The following UCP2 variants were observed in gnomAD, a reference collection of about 807,000 sequenced individuals.
UCP2 encodes dicarboxylate carrier SLC25A8.
Under a neutral mutation model 31.3 loss-of-function variants are expected in UCP2, and 27 were observed. The observed-to-expected ratio is 0.86, with a 90% CI of 0.64 to 1.19. UCP2 has a LOEUF of 1.19. UCP2 is among the 50% of genes most tolerant of loss of function. The pLI, the probability that UCP2 is intolerant of heterozygous loss-of-function variation, is 0.00. For synonymous variants in UCP2, 142 were observed against 157.4 expected (o/e 0.90, Z 0.73); for missense variants, 377 against 413.5 (o/e 0.91, Z 0.76).
Position 73,977,018 on chromosome 11 carries a change from C to G in UCP2, c.338-1G>C. ...AGGAGGCGGCTCCCAATGCTGGCAT[C>G]TGTGGGCGAGCCATGGGGTCAGTGG... On this transcript the variant is annotated splice_acceptor_variant, in intron 4 of 7. Coordinates refer to ENST00000663595, the MANE Select transcript of UCP2 (RefSeq NM_003355.3). LOFTEE classifies it high-confidence loss of function. 6.3e-7 allele frequency: 1 copy of G among 1,597,688 alleles called. No homozygotes were observed. The highest frequency in any genetic ancestry group is 8.6e-7 in the Non-Finnish European group (1 of 1,169,446).
chr11:73,975,244 A>C (rs1005753235), intron 7 of UCP2, 123 bp from the exon 8 acceptor site: 11 of 993,460 alleles, frequency 1.1e-5, no homozygotes, highest in Non-Finnish European at 1.7e-5. Context: ...CAATGAACTG[A>C]GCTCACAGCT....
Position 73,976,736 on chromosome 11 carries a change from G to A in UCP2, c.539C>T (p.Ser180Phe). The change falls in exon 6 of 8, where the codon TCT becomes TTT. Residue 180 changes from serine to phenylalanine, a missense_variant. By Grantham distance (155) the Ser-to-Phe change is radical. Coordinates refer to ENST00000663595, the MANE Select transcript of UCP2 (RefSeq NM_003355.3). The part of the protein sequence containing the change: ...EGFRGLWKGT[S>F]PNVARNAIVN... ...AATGGCATTACGAGCAACATTGGGA[G>A]AGGTCCCTGTAGGAGGAGGAAGATC... The A allele has an allele frequency of 6.2e-7, 1 of 1,614,214 alleles. No homozygotes were observed. The highest frequency in any genetic ancestry group is 1.1e-5 in the South Asian group (1 of 91,084).
At chr11:73,976,507 AAG>A in intron 6 of UCP2, 132 bp downstream of exon 6, 1 of 749,662 alleles carries the variant, frequency 1.3e-6, no homozygotes, top group Non-Finnish European at 2.3e-6. Flanking sequence ...TATGGCAAGT[AAG>A]AGATATCTTA....
At chr11:73,977,562 C>T (rs1214971199) in intron 4 of UCP2, among the ~76,000 whole-genome samples, 1 of 152,172 alleles carries the variant, frequency 6.6e-6, no homozygotes, top group Non-Finnish European at 1.5e-5. Context: ...TGTGTGTTTT[C>T]TGGCTCTCTA....
chr11:73,976,511 G>C, intron 6 of UCP2, 130 bp downstream of exon 6: 1 of 764,276 alleles, frequency 1.3e-6, no homozygotes, highest in Non-Finnish European at 2.2e-6. Context: ...GCAAGTAAGA[G>C]ATATCTTACT....
chr11:73,976,816 T>C lies in UCP2; in HGVS notation c.532+7A>G, dbSNP rs1951354072. 3 of 1,614,200 alleles carry C rather than the reference T, an allele frequency of 1.9e-6. No homozygotes were observed. In the South Asian group the frequency reaches 3.3e-5, roughly 18 times the overall value. On this transcript the variant is annotated splice_region_variant and intron_variant, in intron 5 of 7. Coordinates refer to ENST00000663595, the MANE Select transcript of UCP2 (RefSeq NM_003355.3). ...GAAAAGGGGAAGGGAAAACAACTGG[T>C]ACACACCTTTCCAGAGGCCCCGGAA... is the stretch of plus-strand genomic sequence containing the variant.
chr11:73,974,689 T>C lies in UCP2; in HGVS notation c.*318A>G, dbSNP rs1220777132. ...GGAGACGCCAAGGTTGAGCTTGCTT[T>C]ATGGATGACAAGTGGGCTAGGCTGG... On this transcript the variant is annotated 3_prime_UTR_variant, in exon 8 of 8. Coordinates refer to ENST00000663595, the MANE Select transcript of UCP2 (RefSeq NM_003355.3). The C allele has an allele frequency of 5.1e-6, 2 of 393,238 alleles. No individual in the cohort carries two copies. The highest frequency in any genetic ancestry group is 4.1e-5 in the African/African-American group (2 of 48,530). 24.4% of individuals were successfully genotyped at this position (393,238 alleles called of 1,614,324 possible). A position where few individuals can be genotyped will look rare whatever the true frequency, so the allele number is the denominator to read the frequency against.
At position 73,976,784 on chromosome 11, in the gene UCP2, G is replaced by A. The variant is rs1378198945; in HGVS notation, c.532+39C>T. 5 of 1,614,114 alleles carry A rather than the reference G, an allele frequency of 3.1e-6. No individual in the cohort carries two copies. The African/African-American group carries it at 4.0e-5, about 13-fold the overall frequency. On this transcript the variant is annotated intron_variant, in intron 5 of 7. Transcript: ENST00000663595. ...ATCCTGGGTGAGACCAGAGTATCGG[G>A]GAGGAGGAAAAGGGGAAGGGAAAAC...
At chr11:73,982,995 T>G (rs1296555782), upstream of UCP2, 2 of 152,306 alleles carry the variant, frequency 1.3e-5, no homozygotes, top group African/African-American at 2.4e-5. Context: ...CCTAGGGTTC[T>G]CTCCATGACT....
At chr11:73,976,515 T>A (rs1194953692) in intron 6 of UCP2, 126 bp downstream of exon 6, 3 of 790,364 alleles carry the variant, frequency 3.8e-6, no homozygotes, top group Admixed American at 4.1e-5. Flanking sequence ...GTAAGAGATA[T>A]CTTACTCTCC....
rs1951454918 is a variant in UCP2 at position 73,981,520 on chromosome 11, C to T, written c.-144G>A. 1 of 152,276 alleles carries T rather than the reference C, an allele frequency of 6.6e-6. No homozygotes were observed. Among genetic ancestry groups the T allele is most frequent in the Non-Finnish European group, 1.5e-5 (1 of 68,070 alleles). The allele number at this position is 152,276 out of a possible 1,614,324, so 9.4% of individuals were successfully genotyped here. On this transcript the variant is annotated 5_prime_UTR_variant, in exon 2 of 8. Coordinates refer to ENST00000663595, the MANE Select transcript of UCP2 (RefSeq NM_003355.3). ...CGGTGAGGCCTCCAAGATCAAGCTT[C>T]TCTAAAGGTGTCCCGTTCTTCAAAG...
Position 73,975,577 on chromosome 11 carries a change from C to A in UCP2, c.729G>T (p.Met243Ile), listed in dbSNP as rs139945658. The change falls in exon 7 of 8, where the codon ATG becomes ATT. Residue 243 changes from methionine to isoleucine, a missense_variant. Physicochemically the swap from Met to Ile is conservative, Grantham distance 10. Transcript: ENST00000663595. ...TACTGTACTGGCCCAGGGCAGAGTT[C>A]ATGTATCTCGTCTTGACCACGTCTA... ...SPVDVVKTRY[M>I]NSALGQYSSA... 6.2e-7 allele frequency: 1 copy of A among 1,614,054 alleles called. No homozygotes were observed. Among genetic ancestry groups the A allele is most frequent in the African/African-American group, 1.3e-5 (1 of 74,928 alleles).
In UCP2 at chr11:73,978,392, T is replaced by G; in HGVS notation, c.-14A>C. The G allele has an allele frequency of 6.2e-7, 1 of 1,614,164 alleles. No homozygotes were observed. The highest frequency in any genetic ancestry group is 8.5e-7 in the Non-Finnish European group (1 of 1,180,028). ...GAACCCAACCATGATGCTGATTTCCTGCTACGTCCCAGGAGATGGAGAAAA... is the reference window on the plus strand; with the variant it reads ...GAACCCAACCATGATGCTGATTTCCGGCTACGTCCCAGGAGATGGAGAAAA... On this transcript the variant is annotated 5_prime_UTR_variant, in exon 3 of 8. Coordinates refer to ENST00000663595, the MANE Select transcript of UCP2 (RefSeq NM_003355.3).
chr11:73,978,340 G>T lies in UCP2; in HGVS notation c.39C>A (p.Ala13=). The change falls in exon 3 of 8, where the codon GCC becomes GCA. Residue 13 remains alanine (A), a synonymous_variant. Transcript: ENST00000663595. ...GFKATDVPPT[A]TVKFLGAGTA... ...TGCCAGCCCCAAGAAACTTCACAGTGGCAGTAGGGGGCACATCTGTGGCCT... is the reference window on the plus strand; with the variant it reads ...TGCCAGCCCCAAGAAACTTCACAGTTGCAGTAGGGGGCACATCTGTGGCCT... 6.2e-7 allele frequency: 1 copy of T among 1,614,166 alleles called. No individual in the cohort carries two copies. The highest frequency in any genetic ancestry group is 1.1e-5 in the South Asian group (1 of 91,084).
intron 2 of UCP2, among the ~76,000 whole-genome samples, chr11:73,980,478 A>C (rs1400063274): frequency 6.6e-6 from 1 of 152,198 alleles, no homozygotes; most frequent in Non-Finnish European, 1.5e-5. Context: ...ACTGGTGCTC[A>C]AATGACAGAT....
rs372902835 is a variant in UCP2, at chr11:73,978,077, C to T, written c.146G>A (p.Gly49Glu). 1.3e-5 allele frequency: 21 copies of T among 1,613,990 alleles called. No individual in the cohort carries two copies. Among genetic ancestry groups the T allele is most frequent in the East Asian group, 2.2e-5 (1 of 44,876 alleles). ...GGCGCTGGCTGTAGCGCGCACTGGC[C>T]CCTGACTTTCTCCTTGGATCTGCAA... ...VRLQIQGESQ[G>E]PVRATASAQY... Residue 49 changes from glycine (G) to glutamate (E), a missense_variant, in exon 4 of 8, where the codon GGG becomes GAG. Gly to Glu is a moderately conservative substitution (Grantham distance 98). Coordinates refer to ENST00000663595, the MANE Select transcript of UCP2 (RefSeq NM_003355.3).
At chr11:73,978,186 G>A (rs1297807816) in intron 3 of UCP2, 67 bp downstream of exon 3, 2 of 1,613,932 alleles carry the variant, frequency 1.2e-6, no homozygotes, top group Non-Finnish European at 1.7e-6. Context: ...TGGCCCTTGA[G>A]GGGTCTGTGT....
At chr11:73,981,087 C>T (rs1190221611) in intron 2 of UCP2, 1 of 152,170 alleles carries the variant, frequency 6.6e-6, no homozygotes, top group African/African-American at 2.4e-5. Context: ...TTACAGTCCC[C>T]AGCAAATAAC....
intron 6 of UCP2, 61 bp from the exon 7 acceptor site, chr11:73,975,732 G>A: frequency 6.3e-7 from 1 of 1,593,576 alleles, no homozygotes; most frequent in East Asian, 2.2e-5. Context: ...GAAGGCAGGA[G>A]AATTACTTAA....
Sources: gnomAD v4.1 joint callset for allele counts (sites outside exome capture counted in the v4.1 genomes callset) on GRCh38, gnomAD v4.1.1 for gene constraint, MANE v1.5 for transcripts, NCBI Gene and HGNC (gene_info 2026-07-23, HGNC 2026-07-21) for gene names.